Variants in TBC1D14 observed in about 807,000 individuals in gnomAD.
TBC1D14 encodes the protein TBC1 domain family, member 14.
Under a neutral mutation model 79.0 loss-of-function variants are expected in TBC1D14, and 26 were observed. That is an observed-to-expected ratio of 0.33 (90% confidence interval 0.24 to 0.46). The LOEUF is 0.46. Ranked by LOEUF, TBC1D14 falls within the 20% of genes least tolerant of loss-of-function variation. The pLI is 1.00. For synonymous variants in TBC1D14, 394 were observed against 349.9 expected (o/e 1.13, Z -1.40); for missense variants, 769 against 887.6 (o/e 0.87, Z 1.70).
At chr4:6,989,367 C>T (rs868548395) in intron 3 of TBC1D14, among the ~76,000 whole-genome samples, 1 of 152,188 alleles carries the variant, frequency 6.6e-6, no homozygotes, top group Non-Finnish European at 1.5e-5. Flanking sequence ...GCACCATTCC[C>T]GGTTCAAATC....
At chr4:6,931,523 G>T (rs1295193825) in intron 2 of TBC1D14, among the ~76,000 whole-genome samples, 1 of 152,194 alleles carries the variant, frequency 6.6e-6, no homozygotes, top group Non-Finnish European at 1.5e-5. Flanking sequence ...TAGGACGCCA[G>T]CTGTGTATGT....
chr4:7,016,812 A>G (rs1721331471), intron 12 of TBC1D14, among the ~76,000 whole-genome samples: 2 of 152,292 alleles, frequency 1.3e-5, no homozygotes, highest in African/African-American at 4.8e-5. Context: ...CATGCCTGGC[A>G]GTGTGAAAAG....
chr4:7,025,944 C>T (rs995665907), intron 13 of TBC1D14, among the ~76,000 whole-genome samples: 1 of 152,194 alleles, frequency 6.6e-6, no homozygotes. Flanking sequence ...GGTTCTTGAT[C>T]CTGCATACAC....
At chr4:7,004,009 G>A (rs1334858423) in intron 7 of TBC1D14, among the ~76,000 whole-genome samples, 1 of 150,920 alleles carries the variant, frequency 6.6e-6, no homozygotes, top group Non-Finnish European at 1.5e-5. Flanking sequence ...CTCCATCTCG[G>A]AAAAAAAAAG....
intron 1 of TBC1D14, among the ~76,000 whole-genome samples, chr4:6,918,632 G>A (rs1003444914): frequency 6.6e-6 from 1 of 152,202 alleles, no homozygotes; most frequent in Non-Finnish European, 1.5e-5. Flanking sequence ...CGCCTTACTT[G>A]GCAAGTGGCA....
chr4:6,953,330 T>C (rs1356342756), intron 2 of TBC1D14, among the ~76,000 whole-genome samples: 6 of 130,784 alleles, frequency 4.6e-5, no homozygotes, highest in Non-Finnish European at 8.2e-5. Flanking sequence ...GCCATAAGAA[T>C]AGATCAGTTG....
At chr4:6,990,844 C>T (rs1718417308) in intron 3 of TBC1D14, among the ~76,000 whole-genome samples, 1 of 152,238 alleles carries the variant, frequency 6.6e-6, no homozygotes. Context: ...CTTCCAGAGC[C>T]TTATCCCTTG....
rs557917482 is a variant in TBC1D14 at position 6,991,976 on chromosome 4, G to A, written c.844-2208G>A. 9.2e-5 allele frequency among the ~76,000 whole-genome samples: 14 copies of A among 152,314 alleles called. No individual in the cohort carries two copies. The South Asian group carries it at 2.7e-3, about 29-fold the overall frequency. Reference sequence around the variant, plus strand: ...GGCAACTTGGCAGGGCTCCTAGATTGTTGTTTGGCACTAGAGCATGGTTTT... The same window carrying A: ...GGCAACTTGGCAGGGCTCCTAGATTATTGTTTGGCACTAGAGCATGGTTTT... On this transcript the variant is annotated intron_variant, in intron 3 of 13. Coordinates refer to ENST00000409757, the MANE Select transcript of TBC1D14 (RefSeq NM_020773.3).
At position 6,923,718 on chromosome 4, in the gene TBC1D14, G is replaced by T; in HGVS notation, c.329G>T (p.Cys110Phe). Residue 110 changes from cysteine (C) to phenylalanine (F), a missense_variant, in exon 2 of 14, where the codon TGT becomes TTT. Cys to Phe is a radical substitution (Grantham distance 205, BLOSUM62 -2). Transcript: ENST00000409757. ...CAGAGCGCCTGCGCGCTGCCATCCT[G>T]TGCGCCACCAGCTCCTAGCAGCACC... ...AFQSACALPSCAPPAPSSTER... is the reference protein window; with the variant it reads ...AFQSACALPSFAPPAPSSTER... 1 of 1,613,892 alleles carries T rather than the reference G, an allele frequency of 6.2e-7. No individual in the cohort carries two copies. The highest frequency in any genetic ancestry group is 8.5e-7 in the Non-Finnish European group (1 of 1,180,042).
intron 1 of TBC1D14, 126 bp downstream of exon 1, chr4:6,910,077 C>T (rs1357555191): frequency 2.0e-5 from 3 of 149,054 alleles, no homozygotes; most frequent in African/African-American, 7.3e-5. Context: ...TCGCCGGGCG[C>T]GGGTCCTGCT....
At chr4:7,025,836 C>T (rs1172592613) in intron 13 of TBC1D14, among the ~76,000 whole-genome samples, 1 of 152,208 alleles carries the variant, frequency 6.6e-6, no homozygotes, top group African/African-American at 2.4e-5. Flanking sequence ...CTTGGTTTCC[C>T]TCCAGGCATC....
In TBC1D14 at chr4:6,994,201, T is replaced by C; in HGVS notation, c.861T>C (p.Ala287=). The C allele has an allele frequency of 1.2e-6, 2 of 1,614,200 alleles. No homozygotes were observed. Among genetic ancestry groups the C allele is most frequent in the Non-Finnish European group, 1.7e-6 (2 of 1,180,020 alleles). Residue 287 remains alanine (A), a synonymous_variant, in exon 4 of 14, where the codon GCT becomes GCC. Coordinates refer to ENST00000409757, the MANE Select transcript of TBC1D14 (RefSeq NM_020773.3). ...TGTCCTAGGAATATGAAGACAAGGC[T>C]GGAAGACCTAGCAAGCCACCCTCTC... is the stretch of plus-strand genomic sequence containing the variant. ...KRIQKEYEDK[A]GRPSKPPSPK... is the part of the protein sequence containing the mutation.
At chr4:6,970,040 A>G (rs1465201888) in intron 3 of TBC1D14, among the ~76,000 whole-genome samples, 1 of 152,136 alleles carries the variant, frequency 6.6e-6, no homozygotes, top group Non-Finnish European at 1.5e-5. Flanking sequence ...CTGCTGTCAT[A>G]GGCATGGGCT....
At chr4:6,940,107 C>T (rs892650074) in intron 2 of TBC1D14, among the ~76,000 whole-genome samples, 1 of 152,158 alleles carries the variant, frequency 6.6e-6, no homozygotes, top group Admixed American at 6.5e-5. Context: ...ATCAAACTGC[C>T]GTCCAGTGTG....
chr4:7,027,994 A>C, intron 13 of TBC1D14, among the ~76,000 whole-genome samples: 1 of 90,402 alleles, frequency 1.1e-5, no homozygotes, highest in Non-Finnish European at 2.1e-5. Context: ...ATAGATCACC[A>C]CTTACACATC....
At chr4:6,999,742 T>C (rs1448206339) in intron 6 of TBC1D14, among the ~76,000 whole-genome samples, 1 of 152,012 alleles carries the variant, frequency 6.6e-6, no homozygotes, top group Non-Finnish European at 1.5e-5. Context: ...GGGAAGACTT[T>C]GCTGCCCCTA....
intron 6 of TBC1D14, among the ~76,000 whole-genome samples, chr4:7,000,833 C>G (rs1199271504): frequency 1.3e-5 from 2 of 152,208 alleles, no homozygotes; most frequent in African/African-American, 4.8e-5. Context: ...CCTGTGTTTT[C>G]TGCTCAGAAA....
intron 2 of TBC1D14, among the ~76,000 whole-genome samples, chr4:6,963,550 TC>T (rs1482372815): frequency 6.6e-6 from 1 of 152,060 alleles, no homozygotes; most frequent in African/African-American, 2.4e-5. Flanking sequence ...GCTCCTTGGC[TC>T]CCCCTTGGCC....
intron 2 of TBC1D14, among the ~76,000 whole-genome samples, chr4:6,955,704 G>C (rs936240117): frequency 6.6e-6 from 1 of 152,208 alleles, no homozygotes; most frequent in African/African-American, 2.4e-5. Context: ...ATGGTATCTT[G>C]AGGGAGGGGA....
Sources: gnomAD v4.1 joint callset for allele counts (sites outside exome capture counted in the v4.1 genomes callset) on GRCh38, gnomAD v4.1.1 for gene constraint, MANE v1.5 for transcripts, NCBI Gene and HGNC (gene_info 2026-07-23, HGNC 2026-07-21) for gene names.